The following MUC5B variants were observed in gnomAD, a reference collection of about 807,000 sequenced individuals.
The protein encoded by MUC5B is mucin-5B.
In MUC5B, 116 loss-of-function variants were observed where a neutral mutation model predicts 376.9. That is an observed-to-expected ratio of 0.31 (90% confidence interval 0.26 to 0.36). The LOEUF (loss-of-function observed/expected upper bound fraction) is 0.36, where lower values mean the gene tolerates loss of function less well. Among genes scored for constraint, MUC5B ranks in the 10% least tolerant of loss-of-function variants. The pLI, the probability that MUC5B is intolerant of heterozygous loss-of-function variation, is 1.00. For synonymous variants in MUC5B, 3,517 were observed against 3,390.9 expected, an observed-to-expected ratio of 1.04 and a Z score of -1.29; for missense variants, 7,165 against 7,769.9, an observed-to-expected ratio of 0.92 and a Z score of 2.93.
Position 1,253,782 on chromosome 11 carries a change from A to G in MUC5B, c.15218-310A>G, listed in dbSNP as rs752340538. Among the ~76,000 whole-genome samples, 9 of 152,042 alleles carry G rather than the reference A, an allele frequency of 5.9e-5. No homozygotes were observed. The highest frequency in any genetic ancestry group is 1.2e-4 in the Non-Finnish European group (8 of 67,996). ...TGTCTCTTCTGTCTCCCGTAAGGAC[A>G]CTGGTCATTGGATTGAGGGCCCACC... On this transcript the variant is annotated intron_variant, in intron 33 of 48. Coordinates refer to ENST00000529681, the MANE Select transcript of MUC5B (RefSeq NM_002458.3). The surrounding 1 kb of genome is among the most constrained non-coding windows in gnomAD (Gnocchi z 4.3).
chr11:1,237,149 C>G lies in MUC5B; in HGVS notation c.3282C>G (p.Ala1094=). 1 of 1,424,640 alleles carries G rather than the reference C, an allele frequency of 7.0e-7. No homozygotes were observed. Among genetic ancestry groups the G allele is most frequent in the Non-Finnish European group, 9.2e-7 (1 of 1,083,354 alleles). 88.2% of individuals were successfully genotyped at this position (1,424,640 alleles called of 1,614,324 possible). A position where few individuals can be genotyped will look rare whatever the true frequency, so the allele number is the denominator to read the frequency against. ...GCATCCTCCACGGCCCCACCTTCGC[C>G]GCCTGCCGCTCCCAGGTGGGGCTCT... ...QCSILHGPTF[A]ACRSQVDSTK... is the part of the protein sequence containing the mutation. The change falls in exon 25 of 49, where the codon GCC becomes GCG. Residue 1094 remains alanine, a synonymous_variant. Coordinates refer to ENST00000529681, the MANE Select transcript of MUC5B (RefSeq NM_002458.3).
rs1052076689 is a variant in MUC5B at position 1,232,151 on chromosome 11, G to A, written c.1834G>A (p.Val612Met). ...NSFEDPCSLS[V>M]ENENYARHWC... ...CTTTGAGGACCCCTGCTCCCTCAGTGTGGAGAATGGTACTCCTCGCCCCCA... is the reference window on the plus strand; with the variant it reads ...CTTTGAGGACCCCTGCTCCCTCAGTATGGAGAATGGTACTCCTCGCCCCCA... The change falls in exon 15 of 49, where the codon GTG becomes ATG. Residue 612 changes from valine (V) to methionine (M), a missense_variant. Physicochemically the swap from Val to Met is conservative, Grantham distance 21. This residue lies in a region of MUC5B where 530 missense variants were observed against 604.0 expected (regional missense o/e 0.88). Transcript: ENST00000529681. 1.2e-6 allele frequency: 2 copies of A among 1,604,484 alleles called. No individual in the cohort carries two copies. The highest frequency in any genetic ancestry group is 1.7e-6 in the Non-Finnish European group (2 of 1,175,022).
At position 1,235,795 on chromosome 11, in the gene MUC5B, G is replaced by GCC. The variant is rs566979509; in HGVS notation, c.2880+390_2880+391dup. 1.7e-3 allele frequency among the ~76,000 whole-genome samples: 258 copies of GCC among 149,850 alleles called. 1 individual carries two copies. The highest frequency in any genetic ancestry group is 3.0e-3 in the Non-Finnish European group (205 of 67,266). ...AAGGACACTGGTCATTGGATTTAGG[G>GCC]CCCCCCCCCGCCCCCACGTAGTCCA... On this transcript the variant is annotated intron_variant, in intron 23 of 48. Coordinates refer to ENST00000529681, the MANE Select transcript of MUC5B (RefSeq NM_002458.3).
chr11:1,228,836 A>C, intron 8 of MUC5B, 71 bp downstream of exon 8: 14 of 489,354 alleles, frequency 2.9e-5, no homozygotes, highest in Non-Finnish European at 3.8e-5. Flanking sequence ...CTTGGGGGCC[A>C]CTGGGGGTGG....
Position 1,244,133 on chromosome 11 carries a change from C to G in MUC5B, c.7253C>G (p.Pro2418Arg), listed in dbSNP as rs573100777. 1 of 1,612,582 alleles carries G rather than the reference C, an allele frequency of 6.2e-7. No homozygotes were observed. The highest frequency in any genetic ancestry group is 8.5e-7 in the Non-Finnish European group (1 of 1,179,642). The change falls in exon 31 of 49, where the codon CCG (proline) becomes CGG (arginine). Residue 2418 changes from proline (P) to arginine (R), a missense_variant. Pro to Arg is a moderately radical substitution (Grantham distance 103). Transcript: ENST00000529681. ...AACTACGGCCACTGCCCCAGCACCCCGGCCACCAGCTCTACGGCCATGCCC... is the reference window on the plus strand; with the variant it reads ...AACTACGGCCACTGCCCCAGCACCCGGGCCACCAGCTCTACGGCCATGCCC... ...CCNYGHCPST[P>R]ATSSTAMPSS...
Position 1,229,167 on chromosome 11 carries a change from C to T in MUC5B, c.977-3C>T. On this transcript the variant is annotated splice_polypyrimidine_tract_variant and splice_region_variant and intron_variant, in intron 8 of 48. Transcript: ENST00000529681. ...TGGCCCAGCCCCACCTCCTTTTGCG[C>T]AGCCCGGACCTGCCCCCTCAACATG... 6.3e-7 allele frequency: 1 copy of T among 1,585,498 alleles called. No individual in the cohort carries two copies. Among genetic ancestry groups the T allele is most frequent in the Non-Finnish European group, 8.5e-7 (1 of 1,170,940 alleles).
chr11:1,260,565 A>C, intron 47 of MUC5B, 61 bp from the exon 48 acceptor site: 1 of 1,518,344 alleles, frequency 6.6e-7, no homozygotes, highest in Non-Finnish European at 9.1e-7. Flanking sequence ...TCGGCCCAGC[A>C]AGTCCAGGCC....
At chr11:1,236,609 G>A in intron 24 of MUC5B, 47 bp downstream of exon 24, 1 of 1,575,068 alleles carries the variant, frequency 6.3e-7, no homozygotes, top group Non-Finnish European at 8.7e-7. Context: ...CCCTCTCACA[G>A]TGACAGAAAC....
chr11:1,260,201 C>G, intron 46 of MUC5B, 116 bp downstream of exon 46: 4 of 1,442,554 alleles, frequency 2.8e-6, no homozygotes, highest in Non-Finnish European at 3.7e-6. Context: ...GGAGGCCCCA[C>G]CCCTGCCTGG....
At chr11:1,235,877 C>T (rs1247621748) in intron 23 of MUC5B, among the ~76,000 whole-genome samples, 1 of 152,052 alleles carries the variant, frequency 6.6e-6, no homozygotes, top group East Asian at 1.9e-4. Flanking sequence ...TGCTTTCTCC[C>T]AGTGAGGGCC....
At chr11:1,259,259 GCACCTGCCCCCAGGTGAGACCTGAGT>G (rs1446298756) in intron 44 of MUC5B, among the ~76,000 whole-genome samples, 198 bp downstream of exon 44, 31 of 140,180 alleles carry the variant, frequency 2.2e-4, no homozygotes, top group East Asian at 4.2e-4. Flanking sequence ...GAGACCCGAG[GCACCTGCCCCCAGGTGAGACCTGAGT>G]CACCTGCCCC....
chr11:1,253,876 G>A lies in MUC5B; in HGVS notation c.15218-216G>A, dbSNP rs72846376. The stretch of plus-strand genomic sequence containing the variant: ...CCCATCTGCAAAGACACTTTCTCCC[G>A]GCAAAGCCACATGCGGAGGTTCTGG... On this transcript the variant is annotated intron_variant, in intron 33 of 48. Coordinates refer to ENST00000529681, the MANE Select transcript of MUC5B (RefSeq NM_002458.3). The surrounding 1 kb of genome is among the most constrained non-coding windows in gnomAD (Gnocchi z 4.3). Among the ~76,000 whole-genome samples, 19,563 of 152,216 alleles carry A rather than the reference G, an allele frequency of 0.13. 1,566 individuals carry two copies. Among genetic ancestry groups the A allele is most frequent in the Non-Finnish European group, 0.18 (12,278 of 67,980 alleles).
At chr11:1,226,112 T>G in intron 2 of MUC5B, 93 bp from the exon 3 acceptor site, 1 of 1,320,538 alleles carries the variant, frequency 7.6e-7, no homozygotes, top group Non-Finnish European at 1.0e-6. Flanking sequence ...CCCCTTCAAC[T>G]CTGGTGGCTG....
Position 1,254,765 on chromosome 11 carries a change from C to A in MUC5B, c.15549C>A (p.Thr5183=), listed in dbSNP as rs1362942568. ...GCGTGCTTGTGTCTGTGCTGGGGAC[C>A]ACCACCATGCGTGTGGACATTCCTG... is the stretch of plus-strand genomic sequence containing the variant. The part of the protein sequence containing the change: ...KNGVLVSVLG[T]TTMRVDIPAL... The change falls in exon 35 of 49, where the codon ACC becomes ACA. Residue 5183 remains threonine (T), a synonymous_variant. Transcript: ENST00000529681. 3.1e-6 allele frequency: 5 copies of A among 1,612,876 alleles called. No individual in the cohort carries two copies. The highest frequency in any genetic ancestry group is 4.2e-6 in the Non-Finnish European group (5 of 1,179,780).
At position 1,260,364 on chromosome 11, in the gene MUC5B, A is replaced by G; in HGVS notation, c.16937A>G (p.Lys5646Arg). The G allele has an allele frequency of 1.2e-6, 2 of 1,612,486 alleles. No homozygotes were observed. The highest frequency in any genetic ancestry group is 1.7e-6 in the Non-Finnish European group (2 of 1,179,742). ...DVSSCRGSLR[K>R]TGCCYSCEED... is the part of the protein sequence containing the mutation. ...GGCCCCCACCAGGGGAGCCTCAGGAAAACCGGCTGCTGCTACTCCTGTGAG... is the reference window on the plus strand; with the variant it reads ...GGCCCCCACCAGGGGAGCCTCAGGAGAACCGGCTGCTGCTACTCCTGTGAG... The change falls in exon 47 of 49, where the codon AAA becomes AGA. Residue 5646 changes from lysine (K) to arginine (R), a missense_variant. Physicochemically the swap from Lys to Arg is conservative, Grantham distance 26. Coordinates refer to ENST00000529681, the MANE Select transcript of MUC5B (RefSeq NM_002458.3).
rs1188782849 is a variant in MUC5B, at chr11:1,246,587, G to C, written c.9707G>C (p.Ser3236Thr). The C allele has an allele frequency of 1.5e-5, 24 of 1,612,928 alleles. No homozygotes were observed. Among genetic ancestry groups the C allele is most frequent in the Non-Finnish European group, 1.9e-5 (23 of 1,179,580 alleles). The change falls in exon 31 of 49, where the codon AGC becomes ACC. Residue 3236 changes from serine (S) to threonine (T), a missense_variant. Around this residue, in one of 31 missense-constraint regions of MUC5B, gnomAD observed 939 missense variants for 770.6 expected, o/e 1.22. Transcript: ENST00000529681. ...ACAGCCACCACACCCACAGCTACCA[G>C]CGTTACAGCCATCCCCTCTTCCTCC... is the stretch of plus-strand genomic sequence containing the variant. ...RSTATTPTAT[S>T]VTAIPSSSLG...
intron 31 of MUC5B, 81 bp downstream of exon 31, chr11:1,251,824 G>T: frequency 9.8e-7 from 1 of 1,025,148 alleles, no homozygotes; most frequent in Non-Finnish European, 1.4e-6. Flanking sequence ...GGGAGCCAGT[G>T]GCTTTCTCCC....
Position 1,249,229 on chromosome 11 carries a change from T to A in MUC5B, c.12349T>A (p.Ser4117Thr). Residue 4117 changes from serine to threonine, a missense_variant, in exon 31 of 49, where the codon TCG becomes ACG. By Grantham distance (58) the Ser-to-Thr change is moderately conservative. Coordinates refer to ENST00000529681, the MANE Select transcript of MUC5B (RefSeq NM_002458.3). ...TSTLLPSSPT[S>T]APITTVVTTG... ...GACCCTGCTGCCCAGCAGCCCCACA[T>A]CGGCCCCCATAACCACGGTGGTGAC... is the stretch of plus-strand genomic sequence containing the variant. 6.2e-7 allele frequency: 1 copy of A among 1,611,464 alleles called. No individual in the cohort carries two copies. The highest frequency in any genetic ancestry group is 8.5e-7 in the Non-Finnish European group (1 of 1,179,578).
At position 1,252,566 on chromosome 11, in the gene MUC5B, C is replaced by T. The variant is rs150890195; in HGVS notation, c.15045+42C>T. 7,631 of 1,478,994 alleles carry T rather than the reference C, an allele frequency of 5.2e-3. 24 individuals carry two copies. The highest frequency in any genetic ancestry group is 6.2e-3 in the Middle Eastern group (28 of 4,532). The allele number at this position is 1,478,994 out of a possible 1,614,324, so 91.6% of individuals were successfully genotyped here. ...CTCCACCTCCCGTGCTGCGTGCACA[C>T]GGTCTGGGTTGGCTGGAGGCACAGC... On this transcript the variant is annotated intron_variant, in intron 32 of 48. Transcript: ENST00000529681.
Sources: allele counts gnomAD v4.1 joint callset (sites outside exome capture counted in the v4.1 genomes callset), GRCh38; gene constraint gnomAD v4.1.1; regional missense constraint gnomAD v4.1.1; non-coding constraint Gnocchi (gnomAD v3.1); transcripts MANE v1.5; gene names NCBI Gene and HGNC (gene_info 2026-07-23, HGNC 2026-07-21).